The following MYO3A variants were observed in gnomAD, a reference collection of about 807,000 sequenced individuals.
MYO3A encodes the protein myosin-IIIa.
In MYO3A, 180 loss-of-function variants were observed where a neutral mutation model predicts 192.7. That is an observed-to-expected ratio of 0.93 (90% confidence interval 0.83 to 1.06). MYO3A has a LOEUF of 1.06. Ranked by LOEUF, MYO3A falls within the 50% of genes least tolerant of loss-of-function variation. MYO3A has a pLI of 0.00. For synonymous variants in MYO3A, 628 were observed against 645.3 expected (o/e 0.97, Z 0.41); for missense variants, 1,896 against 1,905.0 (o/e 1.00, Z 0.09).
At chr10:26,016,399 A>G (rs1307554616) in intron 6 of MYO3A, among the ~76,000 whole-genome samples, 1 of 152,236 alleles carries the variant, frequency 6.6e-6, no homozygotes, top group Non-Finnish European at 1.5e-5. Context: ...CATATAGGAC[A>G]TTCTCAAACT....
At chr10:26,098,599 G>A (rs1019324826) in intron 17 of MYO3A, among the ~76,000 whole-genome samples, 22 of 152,308 alleles carry the variant, frequency 1.4e-4, no homozygotes, top group African/African-American at 5.1e-4. Flanking sequence ...TAAGGTGTAA[G>A]GAAGGGATCC....
intron 6 of MYO3A, among the ~76,000 whole-genome samples, chr10:26,003,142 T>C (rs913137355): frequency 1.3e-5 from 2 of 152,180 alleles, no homozygotes; most frequent in Admixed American, 1.3e-4. Context: ...CTCCTAAGAT[T>C]GGTTGCTGTG....
intron 20 of MYO3A, among the ~76,000 whole-genome samples, chr10:26,136,822 C>A (rs1315816456): frequency 1.3e-5 from 2 of 152,080 alleles, no homozygotes; most frequent in African/African-American, 4.8e-5. Flanking sequence ...GAGTTTGAGA[C>A]CAGCCTGGCC....
At chr10:26,194,976 TACAA>T (rs1843336887) in intron 32 of MYO3A, among the ~76,000 whole-genome samples, 1 of 152,228 alleles carries the variant, frequency 6.6e-6, no homozygotes, top group African/African-American at 2.4e-5. Flanking sequence ...TCGCATGCCA[TACAA>T]TTAACCCACC....
intron 10 of MYO3A, among the ~76,000 whole-genome samples, chr10:26,047,410 G>A (rs951667765): frequency 2.8e-4 from 42 of 152,130 alleles, no homozygotes; most frequent in African/African-American, 9.7e-4. Flanking sequence ...AAGTTTTTGT[G>A]TTTTTTCCTT....
chr10:25,997,403 A>G, intron 6 of MYO3A, 145 bp downstream of exon 6: 1 of 702,100 alleles, frequency 1.4e-6, no homozygotes. Context: ...AAGTGCAGAG[A>G]TAATTTGGCA....
chr10:26,170,310 A>G, intron 28 of MYO3A, 106 bp from the exon 29 acceptor site: 1 of 1,292,566 alleles, frequency 7.7e-7, no homozygotes. Context: ...TTTTAATTTT[A>G]TTTTCCTCTT....
intron 23 of MYO3A, among the ~76,000 whole-genome samples, chr10:26,153,471 A>G (rs1840918243): frequency 6.6e-6 from 1 of 152,206 alleles, no homozygotes; most frequent in South Asian, 2.1e-4. Context: ...TTAATGATTC[A>G]TATGATTTTT....
intron 10 of MYO3A, among the ~76,000 whole-genome samples, chr10:26,055,124 A>C (rs968949355): frequency 6.6e-6 from 1 of 152,198 alleles, no homozygotes; most frequent in African/African-American, 2.4e-5. Flanking sequence ...CTAGAGCTAC[A>C]GCTCTCTCTT....
chr10:25,975,609 AAGAC>A (rs1838918696), intron 4 of MYO3A, among the ~76,000 whole-genome samples: 1 of 152,192 alleles, frequency 6.6e-6, no homozygotes, highest in Admixed American at 6.5e-5. Context: ...AAAGAAGACA[AAGAC>A]ATCATAAGAA....
chr10:26,057,566 A>G (rs1279685628), intron 10 of MYO3A, among the ~76,000 whole-genome samples: 2 of 152,198 alleles, frequency 1.3e-5, no homozygotes, highest in Admixed American at 6.5e-5. Context: ...ACATTTTTGG[A>G]CAACTGCTAT....
At position 26,174,477 on chromosome 10, in the gene MYO3A, A is replaced by C; in HGVS notation, c.4213A>C (p.Asn1405His). The C allele has an allele frequency of 6.2e-7, 1 of 1,614,158 alleles. No individual in the cohort carries two copies. Among genetic ancestry groups the C allele is most frequent in the Non-Finnish European group, 8.5e-7 (1 of 1,180,006 alleles). The change falls in exon 30 of 35, where the codon AAC (asparagine) becomes CAC (histidine). Residue 1405 changes from asparagine (N) to histidine (H), a missense_variant. Asn to His is a moderately conservative substitution (Grantham distance 68). Transcript: ENST00000642920. Reference protein sequence around the residue: ...SYPTKHEEINNIKKKDNKDSK... With the variant: ...SYPTKHEEINHIKKKDNKDSK... ...TCCCACAAAACATGAGGAAATCAAT[A>C]ACATCAAGAAGAAGGATAACAAAGA...
Position 26,088,312 on chromosome 10 carries a change from A to G in MYO3A, c.1469A>G (p.Tyr490Cys). 1 of 1,613,948 alleles carries G rather than the reference A, an allele frequency of 6.2e-7. No homozygotes were observed. Among genetic ancestry groups the G allele is most frequent in the Non-Finnish European group, 8.5e-7 (1 of 1,179,872 alleles). The change falls in exon 15 of 35, where the codon TAC becomes TGC. Residue 490 changes from tyrosine (Y) to cysteine (C), a missense_variant. By Grantham distance (194) the Tyr-to-Cys change is radical. Transcript: ENST00000642920. ...GACAATTCTAGCAGATTTGGAAAATACTTAGAAATGAAATTCACCTCTTCT... is the reference window on the plus strand; with the variant it reads ...GACAATTCTAGCAGATTTGGAAAATGCTTAGAAATGAAATTCACCTCTTCT... ...INDNSSRFGK[Y>C]LEMKFTSSGA...
intron 6 of MYO3A, among the ~76,000 whole-genome samples, chr10:26,014,340 C>A (rs992810998): frequency 6.6e-6 from 1 of 151,946 alleles, no homozygotes; most frequent in East Asian, 1.9e-4. Flanking sequence ...AGTCTTAGGC[C>A]TTTTAAAAAT....
At position 26,143,510 on chromosome 10, in the gene MYO3A, C is replaced by T; in HGVS notation, c.2325C>T (p.Leu775=). The stretch of plus-strand genomic sequence containing the variant: ...TTGAATATGAGGATAACTGGCCCCT[C>T]TTAGATATGTTTCTGCAAAAGCCAA... ...RVIEYEDNWP[L]LDMFLQKPMG... is the part of the protein sequence containing the mutation. The change falls in exon 21 of 35, where the codon CTC becomes CTT. Residue 775 remains leucine, a synonymous_variant. Coordinates refer to ENST00000642920, the MANE Select transcript of MYO3A (RefSeq NM_017433.5). 2 of 1,613,726 alleles carry T rather than the reference C, an allele frequency of 1.2e-6. No homozygotes were observed. Among genetic ancestry groups the T allele is most frequent in the African/African-American group, 1.3e-5 (1 of 75,024 alleles).
chr10:26,145,478 T>C lies in MYO3A; in HGVS notation c.2449T>C (p.Phe817Leu). The change falls in exon 22 of 35, where the codon TTC becomes CTC. Residue 817 changes from phenylalanine (F) to leucine (L), a missense_variant. Coordinates refer to ENST00000642920, the MANE Select transcript of MYO3A (RefSeq NM_017433.5). The stretch of plus-strand genomic sequence containing the variant: ...TGAAGGTAACCTGAAATCACAATAC[T>C]TCTGGAGACCCAAAAGAATGGAACT... Reference protein sequence around the residue: ...KFEGNLKSQYFWRPKRMELSF... With the variant: ...KFEGNLKSQYLWRPKRMELSF... The C allele has an allele frequency of 6.2e-7, 1 of 1,610,106 alleles. No individual in the cohort carries two copies. Among genetic ancestry groups the C allele is most frequent in the South Asian group, 1.1e-5 (1 of 90,976 alleles).
chr10:26,170,510 C>T lies in MYO3A; in HGVS notation c.3369C>T (p.Phe1123=), dbSNP rs372478460. The T allele has an allele frequency of 4.3e-6, 7 of 1,612,526 alleles. No individual in the cohort carries two copies. Among genetic ancestry groups the T allele is most frequent in the East Asian group, 2.2e-5 (1 of 44,782 alleles). ...VTTIQTSDQE[F]DYKKNFENTR... The stretch of plus-strand genomic sequence containing the variant: ...CCATTCAAACTTCTGATCAGGAATT[C>T]GACTACAAGAAAAACTTTGAAAATA... The change falls in exon 29 of 35, where the codon TTC becomes TTT. Residue 1123 remains phenylalanine, a synonymous_variant. Transcript: ENST00000642920.
At chr10:26,051,581 TTAA>T (rs1476263339) in intron 10 of MYO3A, among the ~76,000 whole-genome samples, 1 of 148,200 alleles carries the variant, frequency 6.7e-6, no homozygotes, top group East Asian at 1.9e-4. Flanking sequence ...ATTTTATATA[TTAA>T]TATATAGTAT....
At chr10:26,051,098 A>G (rs1313409233) in intron 10 of MYO3A, among the ~76,000 whole-genome samples, 1 of 152,220 alleles carries the variant, frequency 6.6e-6, no homozygotes, top group Non-Finnish European at 1.5e-5. Flanking sequence ...GTCCCTCCAC[A>G]GAGGCAGCCA....
Sources: gnomAD v4.1 joint callset for allele counts (sites outside exome capture counted in the v4.1 genomes callset) on GRCh38, gnomAD v4.1.1 for gene constraint, MANE v1.5 for transcripts, NCBI Gene and HGNC (gene_info 2026-07-23, HGNC 2026-07-21) for gene names.